The following MINDY2 variants were observed in gnomAD, a reference collection of about 807,000 sequenced individuals.
MINDY2 encodes MINDY lysine 48 deubiquitinase 2.
A neutral mutation model predicts 68.2 loss-of-function variants in MINDY2; 52 were observed. The ratio of observed to expected loss-of-function variants is 0.76; its 90% CI spans 0.61 to 0.96. MINDY2 has a LOEUF of 0.96. MINDY2 is among the 40% of genes least tolerant of loss of function. MINDY2 has a pLI of 0.00. For missense variants in MINDY2, 881 were observed against 773.4 expected (o/e 1.14, Z -1.65); for synonymous variants, 372 against 303.0 (o/e 1.23, Z -2.36).
chr15:58,794,358 G>GGGGTGTGT (rs1555429190), intron 2 of MINDY2, among the ~76,000 whole-genome samples: 20 of 139,180 alleles, frequency 1.4e-4, no homozygotes, highest in Admixed American at 1.2e-3. Flanking sequence ...TTTTTTTTGG[G>GGGGTGTGT]GTGTGTGTGT....
At chr15:58,773,317 A>G (rs1312747068) in intron 1 of MINDY2, among the ~76,000 whole-genome samples, 1 of 152,234 alleles carries the variant, frequency 6.6e-6, no homozygotes, top group Non-Finnish European at 1.5e-5. Context: ...GGATTCTTCT[A>G]AACACTTAGG....
intron 2 of MINDY2, among the ~76,000 whole-genome samples, chr15:58,798,458 A>ATT (rs33978454): frequency 0.26 from 37,271 of 143,918 alleles, 5,279 homozygotes; most frequent in East Asian, 0.61. Flanking sequence ...GTAAAAAAAA[A>ATT]TTTTTTTTTT....
chr15:58,804,539 G>C (rs1159816518), intron 3 of MINDY2, among the ~76,000 whole-genome samples: 4 of 152,152 alleles, frequency 2.6e-5, no homozygotes, highest in African/African-American at 9.7e-5. Context: ...CAGGCGTGGT[G>C]GCTCATGCCT....
At chr15:58,789,182 C>G (rs1901715765) in intron 2 of MINDY2, among the ~76,000 whole-genome samples, 1 of 151,834 alleles carries the variant, frequency 6.6e-6, no homozygotes, top group Admixed American at 6.6e-5. Flanking sequence ...CTAAAAAATA[C>G]AAAAAATTAG....
At chr15:58,829,623 G>A (rs1327733566) in intron 5 of MINDY2, among the ~76,000 whole-genome samples, 2 of 152,170 alleles carry the variant, frequency 1.3e-5, no homozygotes, top group East Asian at 3.8e-4. Context: ...AGGTATGGAA[G>A]GGGCTTTTAA....
chr15:58,803,325 G>C (rs1274545261), intron 3 of MINDY2, among the ~76,000 whole-genome samples: 1 of 151,608 alleles, frequency 6.6e-6, no homozygotes, highest in African/African-American at 2.4e-5. Context: ...AAAATTAGCT[G>C]GGCATGGTGA....
rs139402598 is a variant in MINDY2, at chr15:58,847,426, G to C, written c.1498G>C (p.Asp500His). 7.5e-3 allele frequency: 11,964 copies of C among 1,604,992 alleles called. 59 individuals are homozygous for C. The highest frequency in any genetic ancestry group is 9.0e-3 in the Non-Finnish European group (10,616 of 1,173,260). The change falls in exon 7 of 9, where the codon GAT (aspartate) becomes CAT (histidine). Residue 500 changes from aspartate (D) to histidine (H), a missense_variant. Coordinates refer to ENST00000559228, the MANE Select transcript of MINDY2 (RefSeq NM_001040450.3). ...AGAATTTCATCTTCGACCTCCTTCA[G>C]ATCCTGAAACTGTATACAAAGGACA... ...DSEFHLRPPS[D>H]PETVYKGQQD...
chr15:58,771,389 G>C lies in MINDY2; in HGVS notation c.-7G>C. 6.2e-7 allele frequency: 1 copy of C among 1,602,154 alleles called. No individual in the cohort carries two copies. The highest frequency in any genetic ancestry group is 8.5e-7 in the Non-Finnish European group (1 of 1,175,936). On this transcript the variant is annotated 5_prime_UTR_variant, in exon 1 of 9. Coordinates refer to ENST00000559228, the MANE Select transcript of MINDY2 (RefSeq NM_001040450.3). Reference sequence around the variant, plus strand: ...GTCTCCATAGAGCTGGGGGCGGGCGGCCCGGTATGGAGAGCAGCCCCGAGA... The same window carrying C: ...GTCTCCATAGAGCTGGGGGCGGGCGCCCCGGTATGGAGAGCAGCCCCGAGA...
chr15:58,846,889 G>A (rs1432879372), intron 6 of MINDY2, among the ~76,000 whole-genome samples: 1 of 152,020 alleles, frequency 6.6e-6, no homozygotes, highest in East Asian at 1.9e-4. Flanking sequence ...AAAAACTGGT[G>A]TGGATTGGAC....
chr15:58,848,477 C>T (rs961452677), intron 7 of MINDY2, among the ~76,000 whole-genome samples: 4 of 152,210 alleles, frequency 2.6e-5, no homozygotes, highest in Non-Finnish European at 5.9e-5. Context: ...GGTGCGGTGG[C>T]TCACACCTGT....
intron 2 of MINDY2, among the ~76,000 whole-genome samples, chr15:58,800,049 T>C (rs1297347931): frequency 6.6e-6 from 1 of 152,230 alleles, no homozygotes; most frequent in Non-Finnish European, 1.5e-5. Flanking sequence ...AAATACGCTA[T>C]AAAGCGAGGT....
chr15:58,821,895 A>G (rs1480352630), intron 5 of MINDY2, 76 bp downstream of exon 5: 5 of 930,298 alleles, frequency 5.4e-6, no homozygotes, highest in South Asian at 1.7e-5. Context: ...ATATCTTTCA[A>G]ATTTCTTAAA....
At chr15:58,814,507 C>G (rs2030540258) in intron 4 of MINDY2, among the ~76,000 whole-genome samples, 1 of 152,044 alleles carries the variant, frequency 6.6e-6, no homozygotes, top group African/African-American at 2.4e-5. Context: ...CTGCCTCAGC[C>G]TCCTAAGTAG....
chr15:58,801,793 C>G (rs1902678677), intron 2 of MINDY2, among the ~76,000 whole-genome samples: 1 of 152,156 alleles, frequency 6.6e-6, no homozygotes, highest in South Asian at 2.1e-4. Context: ...GCACCCGCCA[C>G]CATGCCCGGC....
At chr15:58,834,745 C>T (rs568415656) in intron 6 of MINDY2, among the ~76,000 whole-genome samples, 1 of 152,272 alleles carries the variant, frequency 6.6e-6, no homozygotes, top group South Asian at 2.1e-4. Context: ...TCGTGAATTA[C>T]ATCTTCATAT....
chr15:58,813,671 C>A (rs1028611762), intron 4 of MINDY2, among the ~76,000 whole-genome samples: 2 of 151,510 alleles, frequency 1.3e-5, no homozygotes, highest in African/African-American at 4.9e-5. Flanking sequence ...TTCCTGGGCT[C>A]AAGTGATCCT....
rs1315121656 is a variant in MINDY2 at position 58,772,086 on chromosome 15, G to C, written c.691G>C (p.Ala231Pro). 1 of 1,613,526 alleles carries C rather than the reference G, an allele frequency of 6.2e-7. No homozygotes were observed. The highest frequency in any genetic ancestry group is 2.2e-5 in the East Asian group (1 of 44,886). Reference sequence around the variant, plus strand: ...GGGGGAGGAGACCGCTCAGGTGCTGGCGGCCTCCAAGGAACGCTTCCCGGG... The same window carrying C: ...GGGGGAGGAGACCGCTCAGGTGCTGCCGGCCTCCAAGGAACGCTTCCCGGG... ...EEGEETAQVL[A>P]ASKERFPGQS... is the part of the protein sequence containing the mutation. Residue 231 changes from alanine (A) to proline (P), a missense_variant, in exon 1 of 9, where the codon GCG becomes CCG. Ala to Pro is a conservative substitution (Grantham distance 27). Transcript: ENST00000559228.
At position 58,771,801 on chromosome 15, in the gene MINDY2, G is replaced by A. The variant is rs756945687; in HGVS notation, c.406G>A (p.Ala136Thr). 3.7e-6 allele frequency: 6 copies of A among 1,609,400 alleles called. No individual in the cohort carries two copies. In the African/African-American group the frequency reaches 6.7e-5, roughly 18 times the overall value. Reference sequence around the variant, plus strand: ...AGACGCGGGAGCCCGCCCGGATCTCGCCGGCACCTGCCAAGCAGAACTGAC... The same window carrying A: ...AGACGCGGGAGCCCGCCCGGATCTCACCGGCACCTGCCAAGCAGAACTGAC... ...AGDAGARPDL[A>T]GTCQAELTAA... The change falls in exon 1 of 9, where the codon GCC (alanine) becomes ACC (threonine). Residue 136 changes from alanine to threonine, a missense_variant. Ala to Thr is a moderately conservative substitution (Grantham distance 58, BLOSUM62 0). Coordinates refer to ENST00000559228, the MANE Select transcript of MINDY2 (RefSeq NM_001040450.3).
In MINDY2 at chr15:58,789,601, G is replaced by A. The variant is rs372877912; in HGVS notation, c.898+1638G>A. ...GCCTCCCGAGTAACTGGGACTGCAC[G>A]CACATGCTACCACACCCAGCTAATT... On this transcript the variant is annotated intron_variant, in intron 2 of 8. Transcript: ENST00000559228. 5.3e-5 allele frequency among the ~76,000 whole-genome samples: 8 copies of A among 151,940 alleles called. No homozygotes were observed. The East Asian group carries it at 1.4e-3, about 26-fold the overall frequency.
Sources: gnomAD v4.1 joint callset for allele counts (sites outside exome capture counted in the v4.1 genomes callset) on GRCh38, gnomAD v4.1.1 for gene constraint, MANE v1.5 for transcripts, NCBI Gene and HGNC (gene_info 2026-07-23, HGNC 2026-07-21) for gene names.